The following CAMLG variants were observed in gnomAD, a reference collection of about 807,000 sequenced individuals.
CAMLG encodes the protein calcium modulating ligand.
CAMLG carries 23 observed loss-of-function variants against 28.9 expected under a neutral mutation model. The ratio of observed to expected loss-of-function variants is 0.80; its 90% CI spans 0.57 to 1.13. The LOEUF is 1.13. Among genes scored for constraint, CAMLG ranks in the 50% most tolerant of loss-of-function variants. The pLI, the probability that CAMLG is intolerant of heterozygous loss-of-function variation, is 0.00. For synonymous variants in CAMLG, 141 were observed against 146.5 expected (o/e 0.96, Z 0.27); for missense variants, 367 against 371.9 (o/e 0.99, Z 0.11).
At chr5:134,739,515 C>T (rs1051348697) in intron 1 of CAMLG, among the ~76,000 whole-genome samples, 2 of 152,176 alleles carry the variant, frequency 1.3e-5, no homozygotes, top group African/African-American at 4.8e-5. Flanking sequence ...CGCCTCCTTC[C>T]TCCCCCAAAC....
chr5:134,745,250 A>G (rs1407761930), intron 3 of CAMLG, among the ~76,000 whole-genome samples: 2 of 151,296 alleles, frequency 1.3e-5, no homozygotes, highest in African/African-American at 4.9e-5. Flanking sequence ...ATCCTGGCTG[A>G]CAGGGTGAAA....
chr5:134,741,035 C>A, intron 1 of CAMLG, 28 bp from the exon 2 acceptor site: 1 of 1,508,786 alleles, frequency 6.6e-7, no homozygotes, highest in Non-Finnish European at 9.2e-7. Context: ...GGAATAAATA[C>A]ATAAGGCTTT....
At chr5:134,741,590 G>C in intron 2 of CAMLG, 67 bp downstream of exon 2, 2 of 1,004,782 alleles carry the variant, frequency 2.0e-6, no homozygotes, top group Non-Finnish European at 3.0e-6. Context: ...AATTATGAGT[G>C]CTTTTGATCA....
At position 134,744,385 on chromosome 5, in the gene CAMLG, A is replaced by G. The variant is rs532558508; in HGVS notation, c.699+333A>G. 2.6e-5 allele frequency among the ~76,000 whole-genome samples: 4 copies of G among 152,180 alleles called. No homozygotes were observed. In the East Asian group the frequency reaches 5.8e-4, roughly 22 times the overall value. On this transcript the variant is annotated intron_variant, in intron 3 of 3. Coordinates refer to ENST00000297156, the MANE Select transcript of CAMLG (RefSeq NM_001745.4). ...CTAAAAATACAAAAATTAGCCAGGT[A>G]TGGTGACGCACACCTGTAATTCCAG...
intron 3 of CAMLG, among the ~76,000 whole-genome samples, chr5:134,746,314 A>G (rs1462313252): frequency 6.6e-6 from 1 of 152,104 alleles, no homozygotes; most frequent in Non-Finnish European, 1.5e-5. Flanking sequence ...GTATTATTTG[A>G]TTTTGCTTAT....
intron 2 of CAMLG, among the ~76,000 whole-genome samples, chr5:134,743,653 G>A (rs527671448): frequency 7.0e-4 from 106 of 151,998 alleles, no homozygotes; most frequent in African/African-American, 2.4e-3. Context: ...GGATCACGAG[G>A]TCAGGAGTTC....
chr5:134,744,121 A>C (rs1341513917), intron 3 of CAMLG, 69 bp downstream of exon 3: 5 of 742,782 alleles, frequency 6.7e-6, no homozygotes, highest in Middle Eastern at 2.3e-4. Flanking sequence ...AATTGAAGGA[A>C]CTTAAAAATG....
chr5:134,738,573 G>A lies in CAMLG; in HGVS notation c.-48G>A, dbSNP rs1440449413. ...CTCTAGTCATCGCCCTCGCAGCGGC[G>A]GCCAACATCACCGCCACTGCCACCC... On this transcript the variant is annotated 5_prime_UTR_variant, in exon 1 of 4. Coordinates refer to ENST00000297156, the MANE Select transcript of CAMLG (RefSeq NM_001745.4). 2.7e-6 allele frequency: 4 copies of A among 1,494,488 alleles called. No homozygotes were observed. The highest frequency in any genetic ancestry group is 2.8e-5 in the African/African-American group (2 of 70,858). The allele number at this position is 1,494,488 out of a possible 1,614,324, so 92.6% of individuals were successfully genotyped here.
At chr5:134,740,309 A>G (rs927745168) in intron 1 of CAMLG, among the ~76,000 whole-genome samples, 2 of 152,166 alleles carry the variant, frequency 1.3e-5, no homozygotes, top group African/African-American at 2.4e-5. Flanking sequence ...GCCACACCCT[A>G]TGCTCATAGG....
At chr5:134,740,000 G>A (rs770781949) in intron 1 of CAMLG, among the ~76,000 whole-genome samples, 2 of 151,914 alleles carry the variant, frequency 1.3e-5, no homozygotes, top group East Asian at 3.9e-4. Flanking sequence ...CTCAGCCTCC[G>A]GAGTAGCTAG....
At chr5:134,749,027 C>T (rs549480434) in intron 3 of CAMLG, among the ~76,000 whole-genome samples, 29 of 148,888 alleles carry the variant, frequency 1.9e-4, no homozygotes, top group Non-Finnish European at 3.4e-4. Context: ...TTGTATGAGG[C>T]TTTTTGTGAG....
chr5:134,742,323 C>T (rs556624974), intron 2 of CAMLG, among the ~76,000 whole-genome samples: 1 of 152,304 alleles, frequency 6.6e-6, no homozygotes, highest in East Asian at 1.9e-4. Context: ...AATGAAGACT[C>T]AGAGAGGTTA....
Position 134,738,740 on chromosome 5 carries a change from G to T in CAMLG, c.120G>T (p.Ser40=). ...GTCGGAGAAAGCTGCTCATGAACTC[G>T]GAACAGCGCATCAACCGGATCATGG... The part of the protein sequence containing the change: ...ELRRRKLLMN[S]EQRINRIMGF... The change falls in exon 1 of 4, where the codon TCG becomes TCT. Residue 40 remains serine, a synonymous_variant. Coordinates refer to ENST00000297156, the MANE Select transcript of CAMLG (RefSeq NM_001745.4). 6.2e-7 allele frequency: 1 copy of T among 1,614,092 alleles called. No homozygotes were observed. Among genetic ancestry groups the T allele is most frequent in the Non-Finnish European group, 8.5e-7 (1 of 1,179,984 alleles).
At chr5:134,744,582 C>CCATTG (rs1753023950) in intron 3 of CAMLG, among the ~76,000 whole-genome samples, 1 of 150,962 alleles carries the variant, frequency 6.6e-6, no homozygotes, top group African/African-American at 2.4e-5. Flanking sequence ...TTTGACATTG[C>CCATTG]CATAACATTG....
chr5:134,749,518 G>C (rs534448836), intron 3 of CAMLG, among the ~76,000 whole-genome samples: 18 of 152,258 alleles, frequency 1.2e-4, no homozygotes, highest in Non-Finnish European at 2.4e-4. Context: ...ATACTGAATT[G>C]TTCAGTGATA....
intron 3 of CAMLG, among the ~76,000 whole-genome samples, chr5:134,744,901 T>C (rs1288395736): frequency 6.6e-6 from 1 of 152,116 alleles, no homozygotes; most frequent in Non-Finnish European, 1.5e-5. Flanking sequence ...ATATATACAG[T>C]TTTATGAGGC....
Position 134,744,029 on chromosome 5 carries a change from G to T in CAMLG, c.676G>T (p.Gly226Ter). The part of the protein sequence containing the change: ...PFLTLQLAYM[G>*]LYKYFPKSEK... ...TCTTACTTTACAACTTGCGTACATG[G>T]GATTATACAAATATTTTCCCAAGGT... Residue 226 changes from glycine to a stop codon, truncating the protein, a stop_gained, in exon 3 of 4, where the codon GGA becomes TGA. Coordinates refer to ENST00000297156, the MANE Select transcript of CAMLG (RefSeq NM_001745.4). LOFTEE classifies it high-confidence loss of function. 7.0e-7 allele frequency: 1 copy of T among 1,432,388 alleles called. No homozygotes were observed. Among genetic ancestry groups the T allele is most frequent in the South Asian group, 1.2e-5 (1 of 85,702 alleles). The allele number at this position is 1,432,388 out of a possible 1,614,324, so 88.7% of individuals were successfully genotyped here. A position where few individuals can be genotyped will look rare whatever the true frequency, so the allele number is the denominator to read the frequency against.
chr5:134,738,822 C>T, intron 1 of CAMLG, 30 bp downstream of exon 1: 2 of 1,609,016 alleles, frequency 1.2e-6, no homozygotes, highest in Non-Finnish European at 1.7e-6. Flanking sequence ...CTCAGTCTCC[C>T]GCCCATCACC....
At position 134,738,616 on chromosome 5, in the gene CAMLG, G is replaced by A. The variant is rs1286693595; in HGVS notation, c.-5G>A. 64 of 1,609,574 alleles carry A rather than the reference G, an allele frequency of 4.0e-5. No homozygotes were observed. Among genetic ancestry groups the A allele is most frequent in the Non-Finnish European group, 5.2e-5 (61 of 1,178,498 alleles). The stretch of plus-strand genomic sequence containing the variant: ...TGCCACCCCTCCCAGACTGTGGACG[G>A]GAGGATGGAGTCGATGGCCGTCGCT... On this transcript the variant is annotated 5_prime_UTR_variant, in exon 1 of 4. Coordinates refer to ENST00000297156, the MANE Select transcript of CAMLG (RefSeq NM_001745.4).
Sources: allele counts gnomAD v4.1 joint callset (sites outside exome capture counted in the v4.1 genomes callset), GRCh38; gene constraint gnomAD v4.1.1; transcripts MANE v1.5; gene names NCBI Gene and HGNC (gene_info 2026-07-23, HGNC 2026-07-21).